The following ADAMTS18 variants were observed in gnomAD, a reference collection of about 807,000 sequenced individuals.
The protein encoded by ADAMTS18 is ADAM metallopeptidase with thrombospondin type 1 motif 18.
Under a neutral mutation model 165.9 loss-of-function variants are expected in ADAMTS18, and 157 were observed. That is an observed-to-expected ratio of 0.95 (90% CI 0.83 to 1.08). ADAMTS18 has a LOEUF of 1.08. Ranked by LOEUF, ADAMTS18 falls within the 50% of genes least tolerant of loss-of-function variation. The pLI is 0.00. For missense variants in ADAMTS18, 2,040 were observed against 1,534.0 expected (o/e 1.33, Z -5.51); for synonymous variants, 782 against 578.2 (o/e 1.35, Z -5.06).
chr16:77,376,950 G>C (rs1036430529), intron 3 of ADAMTS18, among the ~76,000 whole-genome samples: 2 of 151,656 alleles, frequency 1.3e-5, no homozygotes, highest in African/African-American at 2.4e-5. Flanking sequence ...GAGTAGCTGG[G>C]CTTACAAGCG....
At chr16:77,399,249 A>T (rs1301272847) in intron 3 of ADAMTS18, among the ~76,000 whole-genome samples, 1 of 152,162 alleles carries the variant, frequency 6.6e-6, no homozygotes, top group African/African-American at 2.4e-5. Flanking sequence ...GATAGGTAGT[A>T]AGGCTAGGTA....
At chr16:77,349,524 T>TATAA (rs1555516731) in intron 10 of ADAMTS18, among the ~76,000 whole-genome samples, 1 of 71,518 alleles carries the variant, frequency 1.4e-5, no homozygotes, top group East Asian at 4.4e-4. Context: ...TCATCTTATG[T>TATAA]AAAAAAAAAA....
chr16:77,346,695 A>C (rs1451152370), intron 10 of ADAMTS18, among the ~76,000 whole-genome samples: 1 of 152,202 alleles, frequency 6.6e-6, no homozygotes, highest in African/African-American at 2.4e-5. Context: ...ATTTAAGCCC[A>C]TGTATGCCTG....
chr16:77,295,353 G>A lies in ADAMTS18; in HGVS notation c.2802-226C>T, dbSNP rs183082950. On this transcript the variant is annotated intron_variant, in intron 18 of 22. Coordinates refer to ENST00000282849, the MANE Select transcript of ADAMTS18 (RefSeq NM_199355.4). Reference sequence around the variant, plus strand: ...CCCACAGTTCTACAAATATACTCCCGCCTCTGCATGAGAAGAAATACATGC... The same window carrying A: ...CCCACAGTTCTACAAATATACTCCCACCTCTGCATGAGAAGAAATACATGC... Among the ~76,000 whole-genome samples the A allele has an allele frequency of 1.7e-3, 266 of 152,172 alleles. 3 individuals are homozygous for A. The South Asian group carries it at 0.018, about 10-fold the overall frequency.
intron 13 of ADAMTS18, among the ~76,000 whole-genome samples, chr16:77,324,677 G>C (rs1251551004): frequency 6.6e-6 from 1 of 152,174 alleles, no homozygotes; most frequent in Non-Finnish European, 1.5e-5. Context: ...ATGTTGACAG[G>C]CTGTTAAGGA....
chr16:77,362,291 T>C, intron 6 of ADAMTS18, 27 bp from the exon 7 acceptor site: 1 of 1,613,046 alleles, frequency 6.2e-7, no homozygotes, highest in East Asian at 2.2e-5. Flanking sequence ...CAAATCAAAG[T>C]GTGAATTTGT....
At position 77,300,274 on chromosome 16, in the gene ADAMTS18, G is replaced by C. The variant is rs1054605563; in HGVS notation, c.2663C>G (p.Ser888Cys). The change falls in exon 17 of 23, where the codon TCC (serine) becomes TGC (cysteine). Residue 888 changes from serine (S) to cysteine (C), a missense_variant. Ser to Cys is a moderately radical substitution (Grantham distance 112, BLOSUM62 -1). Transcript: ENST00000282849. Reference sequence around the variant, plus strand: ...AGAAAATCATCTACCTCCACCACAGGAGACGGAGCACTCTGACTGCACGAT... The same window carrying C: ...AGAAAATCATCTACCTCCACCACAGCAGACGGAGCACTCTGACTGCACGAT... ...WSIVQSECSVSCGGGYINVKA... is the reference protein window; with the variant it reads ...WSIVQSECSVCCGGGYINVKA... The C allele has an allele frequency of 1.2e-6, 2 of 1,613,978 alleles. No individual in the cohort carries two copies. The highest frequency in any genetic ancestry group is 1.3e-5 in the African/African-American group (1 of 74,918).
At chr16:77,360,431 A>G (rs892627574) in intron 7 of ADAMTS18, among the ~76,000 whole-genome samples, 1 of 152,222 alleles carries the variant, frequency 6.6e-6, no homozygotes, top group African/African-American at 2.4e-5. Context: ...GTCAAAGCCC[A>G]TGCCCTTTGC....
chr16:77,354,904 C>G (rs2056605804), intron 9 of ADAMTS18, among the ~76,000 whole-genome samples: 1 of 152,050 alleles, frequency 6.6e-6, no homozygotes, highest in Admixed American at 6.6e-5. Context: ...TTTTAGTCAC[C>G]AAACCATGAA....
At chr16:77,402,291 A>C (rs1012950936) in intron 3 of ADAMTS18, among the ~76,000 whole-genome samples, 1 of 152,216 alleles carries the variant, frequency 6.6e-6, no homozygotes, top group Non-Finnish European at 1.5e-5. Flanking sequence ...CTTCCTGCCC[A>C]GTGAAAGGAA....
At chr16:77,363,672 G>A in intron 6 of ADAMTS18, 130 bp downstream of exon 6, 1 of 739,018 alleles carries the variant, frequency 1.4e-6, no homozygotes. Context: ...TGTACTTTGA[G>A]GAGAGTCAGC....
At chr16:77,392,831 T>C (rs1014616640) in intron 3 of ADAMTS18, among the ~76,000 whole-genome samples, 1 of 152,228 alleles carries the variant, frequency 6.6e-6, no homozygotes, top group Admixed American at 6.5e-5. Flanking sequence ...ATGTCTTTCA[T>C]TTACTCTTCA....
chr16:77,387,251 T>G (rs1323330978), intron 3 of ADAMTS18, among the ~76,000 whole-genome samples: 4 of 152,212 alleles, frequency 2.6e-5, no homozygotes, highest in African/African-American at 9.6e-5. Flanking sequence ...AAGTACAGTG[T>G]GGCAGGAAGA....
intron 3 of ADAMTS18, among the ~76,000 whole-genome samples, chr16:77,368,181 CA>C (rs2056826272): frequency 6.6e-6 from 1 of 152,144 alleles, no homozygotes; most frequent in Non-Finnish European, 1.5e-5. Flanking sequence ...CCCCCATTTA[CA>C]AAGGAGAAAA....
At chr16:77,358,819 T>C (rs1437121012) in intron 8 of ADAMTS18, among the ~76,000 whole-genome samples, 1 of 152,232 alleles carries the variant, frequency 6.6e-6, no homozygotes, top group Non-Finnish European at 1.5e-5. Context: ...GCTCTAATGT[T>C]TGAAAATTCT....
chr16:77,301,278 GA>G (rs34732324), intron 16 of ADAMTS18, among the ~76,000 whole-genome samples: 16,906 of 143,624 alleles, frequency 0.12, 1,627 homozygotes, highest in African/African-American at 0.26. Context: ...TATTTTCATT[GA>G]AAAAAAAAAA....
At chr16:77,318,665 T>C (rs920086365) in intron 16 of ADAMTS18, among the ~76,000 whole-genome samples, 1 of 152,210 alleles carries the variant, frequency 6.6e-6, no homozygotes, top group African/African-American at 2.4e-5. Flanking sequence ...GAGTGTTACA[T>C]AGATCTCATA....
intron 13 of ADAMTS18, among the ~76,000 whole-genome samples, chr16:77,324,660 G>T (rs1442403794): frequency 1.3e-5 from 2 of 152,096 alleles, no homozygotes; most frequent in Non-Finnish European, 2.9e-5. Context: ...CAATATGAAG[G>T]AAGAATATGT....
intron 12 of ADAMTS18, among the ~76,000 whole-genome samples, chr16:77,332,250 T>C (rs1291574688): frequency 6.6e-6 from 1 of 152,166 alleles, no homozygotes; most frequent in Non-Finnish European, 1.5e-5. Flanking sequence ...ATTAAATCTG[T>C]TTTCCAAGTT....
Sources: allele counts gnomAD v4.1 joint callset (sites outside exome capture counted in the v4.1 genomes callset), GRCh38; gene constraint gnomAD v4.1.1; transcripts MANE v1.5; gene names NCBI Gene and HGNC (gene_info 2026-07-23, HGNC 2026-07-21).